KNTC1: variants seen among roughly 807,000 people sequenced by gnomAD.
KNTC1 encodes kinetochore-associated protein 1.
KNTC1 carries 253 observed loss-of-function variants against 314.4 expected under a neutral mutation model. The observed-to-expected ratio is 0.80, with a 90% CI of 0.73 to 0.89. The LOEUF (loss-of-function observed/expected upper bound fraction) is 0.89. KNTC1 is among the 40% of genes least tolerant of loss of function. The pLI, the probability that KNTC1 is intolerant of heterozygous loss-of-function variation, is 0.00. For missense variants in KNTC1, 2,475 were observed against 2,572.9 expected (o/e 0.96, Z 0.82); for synonymous variants, 901 against 901.4 (o/e 1.00, Z 0.01).
chr12:122,616,719 T>C (rs1453037898), intron 57 of KNTC1, among the ~76,000 whole-genome samples: 1 of 152,246 alleles, frequency 6.6e-6, no homozygotes, highest in African/African-American at 2.4e-5. Context: ...CATGTAGATC[T>C]ATCTAATTGT....
intron 20 of KNTC1, among the ~76,000 whole-genome samples, chr12:122,565,255 A>T (rs559790361): frequency 0.041 from 5,133 of 125,236 alleles, 303 homozygotes; most frequent in African/African-American, 0.13. Context: ...TTTTTTTTAA[A>T]AAAAAAAAAA....
chr12:122,616,452 G>A (rs888946528), intron 57 of KNTC1, among the ~76,000 whole-genome samples: 33 of 152,134 alleles, frequency 2.2e-4, no homozygotes, highest in African/African-American at 6.5e-4. Flanking sequence ...TAATAGAGAC[G>A]GGGTTTCACC....
intron 51 of KNTC1, among the ~76,000 whole-genome samples, chr12:122,606,380 G>A (rs977731868): frequency 2.6e-5 from 4 of 151,896 alleles, no homozygotes; most frequent in African/African-American, 9.7e-5. Flanking sequence ...ACTATGGCCA[G>A]CTAATTTTTG....
chr12:122,594,379 A>G lies in KNTC1; in HGVS notation c.4349A>G (p.Tyr1450Cys). ...IDMDTSLILE[Y>C]CSTFQLDCDA... ...ATGGACACAAGCCTCATTTTGGAATATTGCAGGTAATTCTTTAAACATTAA... is the reference window on the plus strand; with the variant it reads ...ATGGACACAAGCCTCATTTTGGAATGTTGCAGGTAATTCTTTAAACATTAA... Residue 1450 changes from tyrosine (Y) to cysteine (C), a missense_variant, in exon 43 of 64, where the codon TAT becomes TGT. Coordinates refer to ENST00000333479, the MANE Select transcript of KNTC1 (RefSeq NM_014708.6). 1.3e-6 allele frequency: 2 copies of G among 1,520,848 alleles called. No individual in the cohort carries two copies. The highest frequency in any genetic ancestry group is 1.8e-6 in the Non-Finnish European group (2 of 1,100,474). The allele number at this position is 1,520,848 out of a possible 1,614,324, so 94.2% of individuals were successfully genotyped here.
At position 122,573,168 on chromosome 12, in the gene KNTC1, A is replaced by T. The variant is rs370831829; in HGVS notation, c.2166A>T (p.Arg722=). 7 of 1,613,764 alleles carry T rather than the reference A, an allele frequency of 4.3e-6. No individual in the cohort carries two copies. Among genetic ancestry groups the T allele is most frequent in the African/African-American group, 1.3e-5 (1 of 74,890 alleles). The change falls in exon 26 of 64, where the codon CGA becomes CGT. Residue 722 remains arginine, a synonymous_variant. Coordinates refer to ENST00000333479, the MANE Select transcript of KNTC1 (RefSeq NM_014708.6). ...AAAATACAACCACCATAGTGTTCCG[A>T]ATGTTTGATAAAGTGCTGGCCCCAG... ...EKENTTTIVF[R]MFDKVLAPEL...
intron 63 of KNTC1, among the ~76,000 whole-genome samples, chr12:122,625,412 A>T (rs890712802): frequency 2.4e-4 from 36 of 151,628 alleles, no homozygotes; most frequent in Admixed American, 1.7e-3. Context: ...CCAAAAAAAA[A>T]ATATATTAGC....
chr12:122,566,029 G>A lies in KNTC1; in HGVS notation c.1605-2232G>A, dbSNP rs543323028. 1.4e-3 allele frequency among the ~76,000 whole-genome samples: 193 copies of A among 134,816 alleles called. 1 individual carries two copies. The highest frequency in any genetic ancestry group is 5.3e-3 in the African/African-American group (185 of 34,972). 88.4% of individuals were successfully genotyped at this position (134,816 alleles called of 152,430 possible). On this transcript the variant is annotated intron_variant, in intron 20 of 63. Transcript: ENST00000333479. ...ATGATCTCGGCTCACTGCCACCTCC[G>A]CCTCCCAGATTCAAGTGATTCTCCT...
In KNTC1 at chr12:122,597,778, C is replaced by G; in HGVS notation, c.4403C>G (p.Thr1468Arg). 1.2e-6 allele frequency: 2 copies of G among 1,613,972 alleles called. No homozygotes were observed. Among genetic ancestry groups the G allele is most frequent in the Non-Finnish European group, 1.7e-6 (2 of 1,179,864 alleles). The stretch of plus-strand genomic sequence containing the variant: ...GCAGTTCTTCAGCTCTTCATTGAAA[C>G]GCTGCTCCACAACACAAATGCCGGC... Reference protein sequence around the residue: ...CDAVLQLFIETLLHNTNAGQG... With the variant: ...CDAVLQLFIERLLHNTNAGQG... Residue 1468 changes from threonine (T) to arginine (R), a missense_variant, in exon 44 of 64, where the codon ACG (threonine) becomes AGG (arginine). Thr to Arg is a moderately conservative substitution (Grantham distance 71, BLOSUM62 -1). Transcript: ENST00000333479.
intron 10 of KNTC1, 55 bp downstream of exon 10, chr12:122,546,729 A>G: frequency 1.7e-6 from 2 of 1,185,886 alleles, no homozygotes; most frequent in Non-Finnish European, 2.4e-6. Context: ...TACAACAAAA[A>G]TGTCAGACTT....
Position 122,621,846 on chromosome 12 carries a change from A to C in KNTC1, c.6280-35A>C, listed in dbSNP as rs555418981. 1.4e-4 allele frequency: 190 copies of C among 1,367,640 alleles called. 1 individual carries two copies. The South Asian group carries it at 2.2e-3, about 16-fold the overall frequency. The allele number at this position is 1,367,640 out of a possible 1,614,324, so 84.7% of individuals were successfully genotyped here. A position where few individuals can be genotyped will look rare whatever the true frequency, so the allele number is the denominator to read the frequency against. On this transcript the variant is annotated intron_variant, in intron 60 of 63. Coordinates refer to ENST00000333479, the MANE Select transcript of KNTC1 (RefSeq NM_014708.6). ...TCTTGCTGTTGGAATAAATAATAAC[A>C]ATTTTCTATTAATTCTGCTTTGATT...
chr12:122,554,743 A>G (rs972007905), intron 16 of KNTC1, among the ~76,000 whole-genome samples: 3 of 152,220 alleles, frequency 2.0e-5, no homozygotes, highest in African/African-American at 7.2e-5. Flanking sequence ...CTTTGTTATC[A>G]TTTATAGTTT....
intron 49 of KNTC1, 81 bp from the exon 50 acceptor site, chr12:122,604,796 T>C (rs866659935): frequency 3.6e-6 from 5 of 1,384,360 alleles, no homozygotes; most frequent in Middle Eastern, 1.8e-4. Context: ...GGGGAGGGAT[T>C]GTGATTGATA....
At chr12:122,541,913 G>C in intron 5 of KNTC1, 137 bp from the exon 6 acceptor site, 1 of 677,862 alleles carries the variant, frequency 1.5e-6, no homozygotes, top group East Asian at 4.0e-5. Flanking sequence ...CAGCTACTTG[G>C]GAGGCTGAGG....
chr12:122,545,260 C>T (rs570042411), intron 8 of KNTC1, among the ~76,000 whole-genome samples: 3 of 152,182 alleles, frequency 2.0e-5, no homozygotes, highest in East Asian at 3.9e-4. Context: ...TAGTCAGCTG[C>T]GTGTCATGGC....
intron 7 of KNTC1, 74 bp from the exon 8 acceptor site, chr12:122,544,085 T>A: frequency 1.6e-6 from 1 of 635,388 alleles, no homozygotes; most frequent in Non-Finnish European, 2.7e-6. Context: ...CTGATTGATA[T>A]CAACTGATTT....
In KNTC1 at chr12:122,547,970, G is replaced by A. The variant is rs775686728; in HGVS notation, c.987+1G>A. The A allele has an allele frequency of 1.9e-6, 3 of 1,539,130 alleles. No homozygotes were observed. The highest frequency in any genetic ancestry group is 1.3e-5 in the South Asian group (1 of 79,988). ...TCTGACAGCTTCAGCTAATAAGAAG[G>A]TATTGGAAAATTTTATTTTGTGCTT... On this transcript the variant is annotated splice_donor_variant, in intron 12 of 63. Transcript: ENST00000333479. LOFTEE classifies it high-confidence loss of function.
intron 44 of KNTC1, among the ~76,000 whole-genome samples, chr12:122,598,521 A>G (rs1593650865): frequency 6.7e-6 from 1 of 149,248 alleles, no homozygotes; most frequent in East Asian, 2.0e-4. Flanking sequence ...CCTGGGCTCA[A>G]GTGATACTCC....
At position 122,603,221 on chromosome 12, in the gene KNTC1, C is replaced by T; in HGVS notation, c.5079C>T (p.Ser1693=). The T allele has an allele frequency of 6.2e-7, 1 of 1,611,252 alleles. No individual in the cohort carries two copies. Among genetic ancestry groups the T allele is most frequent in the Non-Finnish European group, 8.5e-7 (1 of 1,178,618 alleles). ...NPEWAVAIAI[S]LAQDIPEGSF... is the part of the protein sequence containing the mutation. ...AGTGGGCTGTAGCTATTGCCATCAGCCTTGCCCAGGATATCCCTGAAGGTA... is the reference window on the plus strand; with the variant it reads ...AGTGGGCTGTAGCTATTGCCATCAGTCTTGCCCAGGATATCCCTGAAGGTA... Residue 1693 remains serine (S), a synonymous_variant, in exon 48 of 64, where the codon AGC becomes AGT. Coordinates refer to ENST00000333479, the MANE Select transcript of KNTC1 (RefSeq NM_014708.6).
rs184097152 is a variant in KNTC1 at position 122,612,060 on chromosome 12, T to G, written c.5623-1052T>G. On this transcript the variant is annotated intron_variant, in intron 53 of 63. Coordinates refer to ENST00000333479, the MANE Select transcript of KNTC1 (RefSeq NM_014708.6). The stretch of plus-strand genomic sequence containing the variant: ...TACTACTTCATCAAGAACATTCTGG[T>G]TTTTTTTTGTGTTTTTTTTTTTTGA... Among the ~76,000 whole-genome samples the G allele has an allele frequency of 4.9e-3, 720 of 147,668 alleles. 9 individuals are homozygous for G. The highest frequency in any genetic ancestry group is 5.7e-3 in the Non-Finnish European group (385 of 67,666).
Sources: gnomAD v4.1 joint callset for allele counts (sites outside exome capture counted in the v4.1 genomes callset) on GRCh38, gnomAD v4.1.1 for gene constraint, MANE v1.5 for transcripts, NCBI Gene and HGNC (gene_info 2026-07-23, HGNC 2026-07-21) for gene names.